Variants in PPARG observed in about 807,000 individuals in gnomAD.
PPARG encodes peroxisome proliferator activated receptor gamma.
Under a neutral mutation model 39.2 loss-of-function variants are expected in PPARG, and 17 were observed. That is an observed-to-expected ratio of 0.43 (90% CI 0.30 to 0.65). The LOEUF is 0.65. PPARG is among the 30% of genes least tolerant of loss of function. PPARG has a pLI of 0.13. For missense variants in PPARG, 406 were observed against 585.9 expected (o/e 0.69, Z 3.17); for synonymous variants, 223 against 215.7 (o/e 1.03, Z -0.30).
chr3:12,432,726 C>CA (rs1397952941), intron 7 of PPARG, among the ~76,000 whole-genome samples: 1 of 151,820 alleles, frequency 6.6e-6, no homozygotes, highest in Non-Finnish European at 1.5e-5. Flanking sequence ...ATTATCTATC[C>CA]AAAAAAAGTA....
chr3:12,402,244 A>G (rs2050502249), intron 5 of PPARG, among the ~76,000 whole-genome samples: 1 of 152,194 alleles, frequency 6.6e-6, no homozygotes, highest in Non-Finnish European at 1.5e-5. Context: ...GGAGCAACAG[A>G]CACTTGGTGA....
At chr3:12,372,347 G>A (rs2049248415) in intron 2 of PPARG, among the ~76,000 whole-genome samples, 1 of 152,194 alleles carries the variant, frequency 6.6e-6, no homozygotes, top group East Asian at 1.9e-4. Flanking sequence ...TGGAGCTTCA[G>A]ACCATCTGGA....
At chr3:12,352,756 A>G (rs2048528888) in intron 2 of PPARG, among the ~76,000 whole-genome samples, 1 of 152,208 alleles carries the variant, frequency 6.6e-6, no homozygotes, top group Admixed American at 6.5e-5. Flanking sequence ...GAGTAAGAAA[A>G]TGTTTCCTGA....
chr3:12,296,766 A>G (rs766260043), intron 1 of PPARG, among the ~76,000 whole-genome samples: 1 of 152,208 alleles, frequency 6.6e-6, no homozygotes, highest in African/African-American at 2.4e-5. Flanking sequence ...GTCAAAGACT[A>G]CAACTTCAAA....
intron 2 of PPARG, among the ~76,000 whole-genome samples, chr3:12,313,717 A>G (rs943496188): frequency 6.6e-6 from 1 of 152,216 alleles, no homozygotes; most frequent in African/African-American, 2.4e-5. Flanking sequence ...GTCAGCCTGA[A>G]AGAGCTCCCA....
intron 2 of PPARG, among the ~76,000 whole-genome samples, chr3:12,367,407 T>G (rs1015709962): frequency 2.0e-5 from 3 of 152,176 alleles, no homozygotes; most frequent in Admixed American, 1.3e-4. Context: ...AGTTTGACCA[T>G]AATGAATTTT....
At chr3:12,355,535 T>C (rs1325572330) in intron 2 of PPARG, among the ~76,000 whole-genome samples, 15 of 152,200 alleles carry the variant, frequency 9.9e-5, no homozygotes, top group Admixed American at 9.8e-4. Context: ...GCTCTAGCTT[T>C]ATCATTTTTT....
At chr3:12,336,431 TAGAAACACTTC>T (rs370188557) in intron 2 of PPARG, among the ~76,000 whole-genome samples, 8 of 152,090 alleles carry the variant, frequency 5.3e-5, no homozygotes, top group African/African-American at 1.9e-4. Flanking sequence ...TGACATCTAC[TAGAAACACTTC>T]AGAGAAAAAA....
chr3:12,334,175 G>A (rs1390868137), intron 2 of PPARG, among the ~76,000 whole-genome samples: 2 of 150,878 alleles, frequency 1.3e-5, no homozygotes, highest in Admixed American at 1.3e-4. Flanking sequence ...TTTTTGACCT[G>A]ATTTACTAAA....
chr3:12,410,049 T>C (rs1017906979), intron 6 of PPARG, among the ~76,000 whole-genome samples: 2 of 152,192 alleles, frequency 1.3e-5, no homozygotes, highest in African/African-American at 4.8e-5. Flanking sequence ...AGAGTATGCT[T>C]GGGAATTTTA....
chr3:12,390,211 A>T (rs1392049369), intron 4 of PPARG, among the ~76,000 whole-genome samples: 1 of 152,224 alleles, frequency 6.6e-6, no homozygotes. Flanking sequence ...TACAATTTTC[A>T]TAAAGCGCTT....
chr3:12,318,807 A>G (rs1175896268), intron 2 of PPARG, among the ~76,000 whole-genome samples: 1 of 152,086 alleles, frequency 6.6e-6, no homozygotes, highest in Non-Finnish European at 1.5e-5. Flanking sequence ...ATTGGAAGCT[A>G]GTTCCATGGG....
intron 2 of PPARG, among the ~76,000 whole-genome samples, chr3:12,356,184 C>T (rs1010395450): frequency 7.9e-5 from 12 of 152,118 alleles, no homozygotes; most frequent in Non-Finnish European, 1.5e-5. Flanking sequence ...GAATTAGACT[C>T]GTTTGAATGG....
intron 5 of PPARG, among the ~76,000 whole-genome samples, chr3:12,399,657 G>A (rs562030790): frequency 7.5e-4 from 14 of 18,752 alleles, no homozygotes; most frequent in African/African-American, 2.3e-3. Flanking sequence ...GGAAGGAAGG[G>A]AGGGAGGGAG....
At chr3:12,398,026 A>G (rs964317869) in intron 5 of PPARG, among the ~76,000 whole-genome samples, 1 of 152,182 alleles carries the variant, frequency 6.6e-6, no homozygotes, top group Non-Finnish European at 1.5e-5. Context: ...TCTTCCTGAC[A>G]TTCAAGGCTG....
chr3:12,397,474 G>A (rs568564280), intron 5 of PPARG, among the ~76,000 whole-genome samples: 14 of 150,180 alleles, frequency 9.3e-5, no homozygotes, highest in East Asian at 5.9e-4. Context: ...GCAGTGGCGC[G>A]ATCTAGGCTC....
intron 1 of PPARG, among the ~76,000 whole-genome samples, chr3:12,302,805 T>C (rs2046962328): frequency 6.6e-6 from 1 of 152,064 alleles, no homozygotes; most frequent in African/African-American, 2.4e-5. Flanking sequence ...GGTGAGATGA[T>C]TGAATCAGAA....
intron 2 of PPARG, among the ~76,000 whole-genome samples, chr3:12,375,948 CTT>C (rs113325527): frequency 7.0e-6 from 1 of 143,878 alleles, no homozygotes; most frequent in Non-Finnish European, 1.5e-5. Context: ...ATTTTCAAGG[CTT>C]TTTTTTTTTT....
chr3:12,371,739 G>GTCCA (rs2049221890), intron 2 of PPARG: 1 of 502,522 alleles, frequency 2.0e-6, no homozygotes, highest in African/African-American at 1.9e-5. Context: ...CTGGGCTCCC[G>GTCCA]TCCAGTCAGC....
Sources: allele counts gnomAD v4.1 joint callset (sites outside exome capture counted in the v4.1 genomes callset), GRCh38; gene constraint gnomAD v4.1.1; transcripts MANE v1.5; gene names NCBI Gene and HGNC (gene_info 2026-07-23, HGNC 2026-07-21).